The following CLUH variants were observed in gnomAD, a reference collection of about 807,000 sequenced individuals.
CLUH encodes the protein clustered mitochondria protein homolog.
A neutral mutation model predicts 139.3 loss-of-function variants in CLUH; 77 were observed. That is an observed-to-expected ratio of 0.55 (90% confidence interval 0.46 to 0.67). CLUH has a LOEUF of 0.67. CLUH is among the 30% of genes least tolerant of loss of function. CLUH has a pLI of 0.00. For synonymous variants in CLUH, 999 were observed against 801.6 expected, an observed-to-expected ratio of 1.25 and a Z score of -4.16; for missense variants, 1,876 against 1,875.8, an observed-to-expected ratio of 1.00 and a Z score of 0.00.
Position 2,695,112 on chromosome 17 carries a change from G to C in CLUH, c.2608-11C>G, listed in dbSNP as rs745852038. ...GGAGAGCTCGACTCCCTGCGAGGCAGGTTGGATCCGAGTCATGAGGGCCCT... is the reference window on the plus strand; with the variant it reads ...GGAGAGCTCGACTCCCTGCGAGGCACGTTGGATCCGAGTCATGAGGGCCCT... On this transcript the variant is annotated splice_polypyrimidine_tract_variant and intron_variant, in intron 15 of 25. Transcript: ENST00000651024. The C allele has an allele frequency of 6.2e-7, 1 of 1,612,438 alleles. No homozygotes were observed.
chr17:2,702,264 G>A (rs913187930), intron 3 of CLUH, among the ~76,000 whole-genome samples: 2 of 152,216 alleles, frequency 1.3e-5, no homozygotes, highest in African/African-American at 4.8e-5. Flanking sequence ...CTGCCTACTG[G>A]TGAGCAGGGA....
intron 1 of CLUH, among the ~76,000 whole-genome samples, chr17:2,705,202 T>C (rs999304574): frequency 6.6e-5 from 10 of 152,114 alleles, no homozygotes; most frequent in African/African-American, 2.4e-4. Context: ...ACAGAACTCA[T>C]CTTCCTCCTC....
In CLUH at chr17:2,692,085, G is replaced by A. The variant is rs778697020; in HGVS notation, c.3573C>T (p.Val1191=). Residue 1191 remains valine, a synonymous_variant, in exon 23 of 26, where the codon GTC becomes GTT. Coordinates refer to ENST00000651024, the MANE Select transcript of CLUH (RefSeq NM_001366661.1). ...ALKVALSHHL[V]ARVYESKAEF... is the part of the protein sequence containing the mutation. ...CAGCTTTGCTCTCGTAGACTCGGGC[G>A]ACAAGGTGGTGGCTGCCGGGAGGCG... 28 of 1,602,822 alleles carry A rather than the reference G, an allele frequency of 1.7e-5. No individual in the cohort carries two copies. The highest frequency in any genetic ancestry group is 9.0e-5 in the South Asian group (8 of 89,004).
At chr17:2,691,377 C>G (rs534488890) in intron 25 of CLUH, among the ~76,000 whole-genome samples, 1 of 152,108 alleles carries the variant, frequency 6.6e-6, no homozygotes, top group African/African-American at 2.4e-5. Context: ...GCCTGGTCAA[C>G]GTGGTGAAAC....
At chr17:2,697,819 C>CT in intron 10 of CLUH, 77 bp downstream of exon 10, 3 of 1,356,464 alleles carry the variant, frequency 2.2e-6, no homozygotes, top group Non-Finnish European at 2.9e-6. Context: ...CTTCAAGGAC[C>CT]CAACCCCGGA....
chr17:2,696,175 C>T lies in CLUH; in HGVS notation c.2375G>A (p.Cys792Tyr). The change falls in exon 13 of 26, where the codon TGC (cysteine) becomes TAC (tyrosine). Residue 792 changes from cysteine (C) to tyrosine (Y), a missense_variant. Physicochemically the swap from Cys to Tyr is radical, Grantham distance 194. Coordinates refer to ENST00000651024, the MANE Select transcript of CLUH (RefSeq NM_001366661.1). ...CTCCCTCACCAAGCCAGGGATCTGG[C>T]AGGAGAGCAGGAAGGCAGCCGCGTC... is the stretch of plus-strand genomic sequence containing the variant. ...LKDAAAFLLS[C>Y]QIPGLVKDCM... 2.6e-6 allele frequency: 4 copies of T among 1,563,444 alleles called. No individual in the cohort carries two copies. The highest frequency in any genetic ancestry group is 3.5e-6 in the Non-Finnish European group (4 of 1,154,226).
rs746999026 is a variant in CLUH at position 2,694,039 on chromosome 17, C to T, written c.3092G>A (p.Gly1031Asp). The T allele has an allele frequency of 5.0e-6, 8 of 1,613,858 alleles. No homozygotes were observed. Among genetic ancestry groups the T allele is most frequent in the Non-Finnish European group, 8.5e-7 (1 of 1,179,822 alleles). Reference sequence around the variant, plus strand: ...GAGCTCACAGCCCTCCTTCAGGAAGCCTGCAGGGCACCCCCAGGGGTGGCA... The same window carrying T: ...GAGCTCACAGCCCTCCTTCAGGAAGTCTGCAGGGCACCCCCAGGGGTGGCA... ...FQSGQAKVQQ[G>D]FLKEGCELIN... The change falls in exon 19 of 26, where the codon GGC (glycine) becomes GAC (aspartate). Residue 1031 changes from glycine (G) to aspartate (D), a missense_variant and splice_region_variant. Around this residue, in one of 3 missense-constraint regions of CLUH, gnomAD observed 1,454 missense variants for 1,384.4 expected, o/e 1.05. Coordinates refer to ENST00000651024, the MANE Select transcript of CLUH (RefSeq NM_001366661.1).
rs944888991 is a variant in CLUH, at chr17:2,701,637, C to T, written c.720G>A (p.Leu240=). ...PGSRERPLCP[L]QPQNRDWKPL... ...CCTTCCAGTCACGGTTTTGGGGCTG[C>T]AGGGGACACAGTGGCCGCTCCCGGC... The change falls in exon 5 of 26, where the codon CTG becomes CTA. Residue 240 remains leucine, a synonymous_variant. Coordinates refer to ENST00000651024, the MANE Select transcript of CLUH (RefSeq NM_001366661.1). 2 of 1,607,464 alleles carry T rather than the reference C, an allele frequency of 1.2e-6. No homozygotes were observed. Among genetic ancestry groups the T allele is most frequent in the Non-Finnish European group, 1.7e-6 (2 of 1,176,950 alleles).
rs763203980 is a variant in CLUH at position 2,696,512 on chromosome 17, G to C, written c.2212C>G (p.Arg738Gly). Residue 738 changes from arginine to glycine, a missense_variant, in exon 12 of 26, where the codon CGC (arginine) becomes GGC (glycine). Physicochemically the swap from Arg to Gly is moderately radical, Grantham distance 125. Around this residue, in one of 3 missense-constraint regions of CLUH, gnomAD observed 1,454 missense variants for 1,384.4 expected, o/e 1.05. Transcript: ENST00000651024. ...GAGCCGACCGCCTTGCACGCGTTGCGGATCACCTCCCGGCTCCGAGGGTCT... is the reference window on the plus strand; with the variant it reads ...GAGCCGACCGCCTTGCACGCGTTGCCGATCACCTCCCGGCTCCGAGGGTCT... ...TADPRSREVI[R>G]NACKAVGSIS... The C allele has an allele frequency of 6.3e-7, 1 of 1,583,922 alleles. No individual in the cohort carries two copies.
intron 9 of CLUH, among the ~76,000 whole-genome samples, chr17:2,700,087 G>A (rs947970015): frequency 1.3e-5 from 2 of 152,250 alleles, no homozygotes; most frequent in African/African-American, 2.4e-5. Flanking sequence ...CAAAAGCCCC[G>A]CAGCAGTCAC....
Position 2,696,333 on chromosome 17 carries a change from C to T in CLUH, c.2291-74G>A, listed in dbSNP as rs953235767. On this transcript the variant is annotated intron_variant, in intron 12 of 25. Transcript: ENST00000651024. ...TGCCGCCTGGCGCTGGCGGGGGAAGCGCTCAGATGGGGGACAAACCCACCA... is the reference window on the plus strand; with the variant it reads ...TGCCGCCTGGCGCTGGCGGGGGAAGTGCTCAGATGGGGGACAAACCCACCA... 1.5e-4 allele frequency: 232 copies of T among 1,501,626 alleles called. 3 individuals carry two copies. The East Asian group carries it at 5.3e-3, about 34-fold the overall frequency. 93.0% of individuals were successfully genotyped at this position (1,501,626 alleles called of 1,614,324 possible). A position where few individuals can be genotyped will look rare whatever the true frequency, so the allele number is the denominator to read the frequency against.
At chr17:2,694,439 CACAGCG>C in intron 17 of CLUH, 35 bp downstream of exon 17, 3 of 76,896 alleles carry the variant, frequency 3.9e-5, no homozygotes, top group Non-Finnish European at 3.4e-5. Context: ...GCAGCGGGGA[CACAGCG>C]GGGACACAGC....
rs11078312 is a variant in CLUH at position 2,696,892 on chromosome 17, G to A, written c.2012C>T (p.Ala671Val). The A allele has an allele frequency of 0.13, 208,585 of 1,610,280 alleles. 17,354 individuals are homozygous for A. Among genetic ancestry groups the A allele is most frequent in the East Asian group, 0.37 (16,396 of 44,760 alleles). Residue 671 changes from alanine to valine, a missense_variant, in exon 11 of 26, where the codon GCC becomes GTC. By Grantham distance (64) the Ala-to-Val change is moderately conservative. Coordinates refer to ENST00000651024, the MANE Select transcript of CLUH (RefSeq NM_001366661.1). ...LAALQLMQQN[A>V]SQLETPSSLE... ...GGAGGAGGGGGTCTCCAGCTGGCTGGCGTTCTGCTGCATCAGCTGCAAGGC... is the reference window on the plus strand; with the variant it reads ...GGAGGAGGGGGTCTCCAGCTGGCTGACGTTCTGCTGCATCAGCTGCAAGGC...
At chr17:2,693,633 C>G (rs2069807399) in intron 19 of CLUH, among the ~76,000 whole-genome samples, 1 of 149,560 alleles carries the variant, frequency 6.7e-6, no homozygotes, top group African/African-American at 2.5e-5. Flanking sequence ...TGCCCACTCA[C>G]GGAGTCTCAG....
Position 2,692,622 on chromosome 17 carries a change from G to A in CLUH, c.3387C>T (p.Tyr1129=). ...TALSLLYRAR[Y]LMLLVFGEDH... ...CTTCCCCGAACACCAGCAGCATGAG[G>A]TAGCGGGCGCGGTACAGCAGGCTCA... Residue 1129 remains tyrosine, a synonymous_variant, in exon 21 of 26, where the codon TAC becomes TAT. Transcript: ENST00000651024. 2 of 1,612,960 alleles carry A rather than the reference G, an allele frequency of 1.2e-6. No homozygotes were observed. The highest frequency in any genetic ancestry group is 1.7e-6 in the Non-Finnish European group (2 of 1,179,600).
rs868445346 is a variant in CLUH at position 2,703,919 on chromosome 17, C to T, written c.304-430G>A. Among the ~76,000 whole-genome samples the T allele has an allele frequency of 3.9e-5, 6 of 152,170 alleles. No individual in the cohort carries two copies. The highest frequency in any genetic ancestry group is 1.4e-4 in the African/African-American group (6 of 41,438). ...CCAAGCCTGCGGGTGCCGAGACATACGACGACCCTGTCTCGTTCCCCACTG... is the reference window on the plus strand; with the variant it reads ...CCAAGCCTGCGGGTGCCGAGACATATGACGACCCTGTCTCGTTCCCCACTG... On this transcript the variant is annotated intron_variant, in intron 2 of 25. Coordinates refer to ENST00000651024, the MANE Select transcript of CLUH (RefSeq NM_001366661.1). The surrounding 1 kb of genome is among the most constrained non-coding windows in gnomAD (Gnocchi z 4.2).
chr17:2,705,924 C>T (rs1405603812), intron 1 of CLUH, among the ~76,000 whole-genome samples: 1 of 152,294 alleles, frequency 6.6e-6, no homozygotes, highest in East Asian at 1.9e-4. Context: ...AACCCTCCAG[C>T]AGACACGGGC....
Position 2,707,554 on chromosome 17 carries a change from TA to T in CLUH, c.101-2991del, listed in dbSNP as rs2070384830. 2.0e-6 allele frequency: 2 copies of T among 985,346 alleles called. No individual in the cohort carries two copies. Among genetic ancestry groups the T allele is most frequent in the Non-Finnish European group, 2.4e-6 (2 of 829,894 alleles). 61.0% of individuals were successfully genotyped at this position (985,346 alleles called of 1,614,324 possible). A position where few individuals can be genotyped will look rare whatever the true frequency, so the allele number is the denominator to read the frequency against. ...AGGGGGTCACTGCCGGCAAAGCCGC[TA>T]GGGGGATCGGAGAACCCAGAATTTG... On this transcript the variant is annotated intron_variant, in intron 1 of 25. Coordinates refer to ENST00000651024, the MANE Select transcript of CLUH (RefSeq NM_001366661.1). The surrounding 1 kb of genome is among the most constrained non-coding windows in gnomAD (Gnocchi z 7.4).
chr17:2,701,073 A>T (rs1345018553), intron 7 of CLUH, 67 bp downstream of exon 7: 1 of 1,609,468 alleles, frequency 6.2e-7, no homozygotes, highest in Non-Finnish European at 8.5e-7. Context: ...ACTGGAGTGC[A>T]GGTGGGCCGG....
Sources: gnomAD v4.1 joint callset for allele counts (sites outside exome capture counted in the v4.1 genomes callset) on GRCh38, gnomAD v4.1.1 for gene constraint, gnomAD v4.1.1 regional missense constraint, Gnocchi (gnomAD v3.1) non-coding constraint, MANE v1.5 for transcripts, NCBI Gene and HGNC (gene_info 2026-07-23, HGNC 2026-07-21) for gene names.